The following RCHY1 variants were observed in gnomAD, a reference collection of about 807,000 sequenced individuals.
RCHY1 encodes the protein RING finger and CHY zinc finger domain-containing protein 1.
Under a neutral mutation model 41.6 loss-of-function variants are expected in RCHY1, and 21 were observed. The observed-to-expected ratio is 0.51, with a 90% CI of 0.36 to 0.73. RCHY1 has a LOEUF of 0.73. Among genes scored for constraint, RCHY1 ranks in the 30% least tolerant of loss-of-function variants. The pLI, the probability that RCHY1 is intolerant of heterozygous loss-of-function variation, is 0.00. For missense variants in RCHY1, 265 were observed against 325.3 expected (o/e 0.81, Z 1.43); for synonymous variants, 79 against 102.9 (o/e 0.77, Z 1.41).
chr4:75,484,324 G>T (rs1408263681), intron 8 of RCHY1, among the ~76,000 whole-genome samples: 2 of 152,034 alleles, frequency 1.3e-5, no homozygotes, highest in East Asian at 1.9e-4. Flanking sequence ...AAGTTTTTTT[G>T]AACACATTTT....
intron 8 of RCHY1, among the ~76,000 whole-genome samples, chr4:75,486,197 T>G (rs1721984872): frequency 1.3e-5 from 2 of 152,182 alleles, no homozygotes; most frequent in South Asian, 4.1e-4. Context: ...TCAGACAGGC[T>G]CTGCCCTTCA....
chr4:75,496,745 C>A (rs1417187997), intron 3 of RCHY1, among the ~76,000 whole-genome samples: 2 of 152,052 alleles, frequency 1.3e-5, no homozygotes, highest in African/African-American at 4.8e-5. Context: ...TTAACTGCAT[C>A]CCAAAATAAA....
chr4:75,484,104 T>C (rs1721779765), intron 8 of RCHY1, among the ~76,000 whole-genome samples: 1 of 152,196 alleles, frequency 6.6e-6, no homozygotes, highest in Admixed American at 6.5e-5. Context: ...AATTAAGTTC[T>C]GTTAAATTTA....
At position 75,491,599 on chromosome 4, in the gene RCHY1, C is replaced by G. The variant is rs931271222; in HGVS notation, c.536+12G>C. The G allele has an allele frequency of 3.3e-5, 53 of 1,598,008 alleles. No homozygotes were observed. Among genetic ancestry groups the G allele is most frequent in the Admixed American group, 2.7e-4 (16 of 59,554 alleles). ...ACATCTTACAATTATTTTTAAAATC[C>G]CAAACACTCACTCTTTCAACATTTC... On this transcript the variant is annotated intron_variant, in intron 7 of 8. Coordinates refer to ENST00000324439, the MANE Select transcript of RCHY1 (RefSeq NM_015436.4).
intron 8 of RCHY1, among the ~76,000 whole-genome samples, chr4:75,484,181 A>G (rs1242648115): frequency 6.6e-6 from 1 of 152,172 alleles, no homozygotes; most frequent in Non-Finnish European, 1.5e-5. Flanking sequence ...GCTTTCAGTG[A>G]CCGCCAGGAG....
chr4:75,513,617 C>G (rs1175346907), intron 1 of RCHY1, among the ~76,000 whole-genome samples: 1 of 152,132 alleles, frequency 6.6e-6, no homozygotes, highest in Non-Finnish European at 1.5e-5. Flanking sequence ...AAAAAAAATA[C>G]AGATTAAGAA....
Position 75,491,714 on chromosome 4 carries a change from GTTACT to G in RCHY1, c.509+5_509+9del, listed in dbSNP as rs775160120. The G allele has an allele frequency of 1.2e-6, 2 of 1,610,562 alleles. No homozygotes were observed. Among genetic ancestry groups the G allele is most frequent in the East Asian group, 4.5e-5 (2 of 44,800 alleles). The stretch of plus-strand genomic sequence containing the variant: ...TTTCAAACATCATTGAGAAAAAGAT[GTTACT>G]TTACCTATGTAAAAGATGTCCACAT... On this transcript the variant is annotated splice_donor_5th_base_variant and intron_variant, in intron 6 of 8. Transcript: ENST00000324439.
rs192273879 is a variant in RCHY1, at chr4:75,483,177, G to T, written c.658-511C>A. ...GTTCCTAAAATTGAGTAAACAGAGA[G>T]GCTCTTCGCTCATCCCTACAATAAC... On this transcript the variant is annotated intron_variant, in intron 8 of 8. Coordinates refer to ENST00000324439, the MANE Select transcript of RCHY1 (RefSeq NM_015436.4). 1.0e-3 allele frequency among the ~76,000 whole-genome samples: 155 copies of T among 152,198 alleles called. 1 individual carries two copies. The highest frequency in any genetic ancestry group is 3.6e-3 in the African/African-American group (148 of 41,554).
In RCHY1 at chr4:75,487,592, A is replaced by AATATATATTCATATATATATTCATAAT. The variant is rs1722209674; in HGVS notation, c.657+2988_657+2989insATTATGAATATATATATGAATATATAT. On this transcript the variant is annotated intron_variant, in intron 8 of 8. Transcript: ENST00000324439. ...TATATATATTCATATATATATTCAT[A>AATATATATTCATATATATATTCATAAT]ATATATATTCATATATATTCATAAT... Among the ~76,000 whole-genome samples the AATATATATTCATATATATATTCATAAT allele has an allele frequency of 8.1e-4, 45 of 55,544 alleles. 5 individuals carry two copies. The highest frequency in any genetic ancestry group is 3.2e-3 in the African/African-American group (38 of 11,698). 36.4% of individuals were successfully genotyped at this position (55,544 alleles called of 152,430 possible). A position where few individuals can be genotyped will look rare whatever the true frequency, so the allele number is the denominator to read the frequency against.
At chr4:75,501,553 T>C (rs2148754685) in intron 3 of RCHY1, among the ~76,000 whole-genome samples, 1 of 152,298 alleles carries the variant, frequency 6.6e-6, no homozygotes, top group East Asian at 1.9e-4. Context: ...AAAGATAAAA[T>C]GCCTCCTAAA....
chr4:75,498,407 G>A (rs1723420886), intron 3 of RCHY1, among the ~76,000 whole-genome samples: 1 of 143,866 alleles, frequency 7.0e-6, no homozygotes, highest in African/African-American at 2.6e-5. Flanking sequence ...AAGGAAGGAA[G>A]GAAGAGAAAG....
intron 2 of RCHY1, 27 bp downstream of exon 2, chr4:75,509,147 AAAG>A: frequency 6.3e-7 from 1 of 1,592,540 alleles, no homozygotes; most frequent in Non-Finnish European, 8.6e-7. Context: ...CAGCTTTTAA[AAAG>A]AAAATAGAAA....
At chr4:75,487,629 TA>T (rs367931469) in intron 8 of RCHY1, among the ~76,000 whole-genome samples, 178 of 12,146 alleles carry the variant, frequency 0.015, 7 homozygotes, top group South Asian at 0.047. Context: ...TATATATTCA[TA>T]ATATATATAT....
intron 7 of RCHY1, 46 bp from the exon 8 acceptor site, chr4:75,490,747 T>C (rs762823185): frequency 7.4e-6 from 11 of 1,489,872 alleles, no homozygotes; most frequent in Middle Eastern, 1.7e-4. Flanking sequence ...AACAAGAATA[T>C]ATTAATTCAG....
At chr4:75,503,228 G>C (rs1195226325) in intron 3 of RCHY1, among the ~76,000 whole-genome samples, 1 of 152,136 alleles carries the variant, frequency 6.6e-6, no homozygotes, top group Non-Finnish European at 1.5e-5. Context: ...GGCATTGCCA[G>C]ATATCACCTG....
intron 8 of RCHY1, among the ~76,000 whole-genome samples, chr4:75,488,231 T>C (rs886402015): frequency 1.3e-5 from 2 of 152,070 alleles, no homozygotes; most frequent in African/African-American, 4.8e-5. Context: ...GTTACTGTGT[T>C]ATTGCAGGCC....
chr4:75,511,536 G>A (rs1261513890), intron 1 of RCHY1, among the ~76,000 whole-genome samples: 2 of 152,130 alleles, frequency 1.3e-5, no homozygotes, highest in Non-Finnish European at 2.9e-5. Context: ...ATTTGCACAA[G>A]AGCTTTTCCT....
chr4:75,488,990 G>A (rs1180734639), intron 8 of RCHY1, among the ~76,000 whole-genome samples: 7 of 151,890 alleles, frequency 4.6e-5, no homozygotes, highest in African/African-American at 1.2e-4. Flanking sequence ...CAGGAGAATC[G>A]CTTGAACCCT....
rs1164568881 is a variant in RCHY1 at position 75,479,384 on chromosome 4, T to TA, written c.*3153dup. ...TAGTGAATACCTATTGCCAGGCACT[T>TA]ATAAAATAATGTTGGCTCTTTAGTA... On this transcript the variant is annotated 3_prime_UTR_variant, in exon 9 of 9. Coordinates refer to ENST00000324439, the MANE Select transcript of RCHY1 (RefSeq NM_015436.4). 1 of 152,134 alleles carries TA rather than the reference T, an allele frequency of 6.6e-6. No individual in the cohort carries two copies. The highest frequency in any genetic ancestry group is 2.4e-5 in the African/African-American group (1 of 41,450). 9.4% of individuals were successfully genotyped at this position (152,134 alleles called of 1,614,324 possible). A position where few individuals can be genotyped will look rare whatever the true frequency, so the allele number is the denominator to read the frequency against.
Sources: allele counts gnomAD v4.1 joint callset (sites outside exome capture counted in the v4.1 genomes callset), GRCh38; gene constraint gnomAD v4.1.1; transcripts MANE v1.5; gene names NCBI Gene and HGNC (gene_info 2026-07-23, HGNC 2026-07-21).